Variants in BAG4 observed in about 807,000 individuals in gnomAD.
BAG4 encodes BAG family molecular chaperone regulator 4.
Under a neutral mutation model 52.1 loss-of-function variants are expected in BAG4, and 28 were observed. The ratio of observed to expected loss-of-function variants is 0.54; its 90% CI spans 0.40 to 0.74. The LOEUF (loss-of-function observed/expected upper bound fraction) is 0.74. Ranked by LOEUF, BAG4 falls within the 30% of genes least tolerant of loss-of-function variation. BAG4 has a pLI of 0.00. For synonymous variants in BAG4, 208 were observed against 217.0 expected, an observed-to-expected ratio of 0.96 and a Z score of 0.37; for missense variants, 525 against 572.0, an observed-to-expected ratio of 0.92 and a Z score of 0.84.
intron 2 of BAG4, among the ~76,000 whole-genome samples, chr8:38,199,807 G>A (rs1339763914): frequency 7.9e-5 from 12 of 152,072 alleles, no homozygotes; most frequent in Non-Finnish European, 1.8e-4. Context: ...ACAGACGTGA[G>A]CCACTGCGCC....
chr8:38,185,344 T>A (rs1803347278), intron 1 of BAG4, among the ~76,000 whole-genome samples: 1 of 152,146 alleles, frequency 6.6e-6, no homozygotes, highest in African/African-American at 2.4e-5. Flanking sequence ...ATATTTTATA[T>A]GAAAAAAATC....
intron 1 of BAG4, among the ~76,000 whole-genome samples, chr8:38,187,890 A>T (rs1394900482): frequency 6.9e-6 from 1 of 145,968 alleles, no homozygotes; most frequent in Non-Finnish European, 1.5e-5. Flanking sequence ...AAAAAAAATT[A>T]GCCGGGCGTG....
intron 1 of BAG4, among the ~76,000 whole-genome samples, chr8:38,182,415 A>C (rs980005106): frequency 3.3e-5 from 5 of 152,196 alleles, no homozygotes; most frequent in Admixed American, 3.3e-4. Context: ...ATTTTGGAAA[A>C]TGTAATCACA....
intron 2 of BAG4, among the ~76,000 whole-genome samples, chr8:38,205,608 C>T (rs990946382): frequency 4.6e-5 from 7 of 151,972 alleles, no homozygotes; most frequent in East Asian, 1.9e-4. Flanking sequence ...TGATGTATTA[C>T]GGAGTTCTTT....
chr8:38,210,199 T>A lies in BAG4; in HGVS notation c.1080T>A (p.Asp360Glu), dbSNP rs780173164. Residue 360 changes from aspartate to glutamate, a missense_variant, in exon 5 of 5, where the codon GAT becomes GAA. Coordinates refer to ENST00000287322, the MANE Select transcript of BAG4 (RefSeq NM_004874.4). ...NATSDHPNNQ[D>E]QSSSLPEECV... ...CCAGTGACCATCCCAACAATCAAGA[T>A]CAAAGTAGCAGTCTTCCTGAAGAAT... The A allele has an allele frequency of 6.2e-7, 1 of 1,614,062 alleles. No individual in the cohort carries two copies. The highest frequency in any genetic ancestry group is 1.1e-5 in the South Asian group (1 of 91,080).
intron 1 of BAG4, among the ~76,000 whole-genome samples, chr8:38,179,421 T>C: frequency 6.6e-6 from 1 of 151,716 alleles, no homozygotes; most frequent in East Asian, 2.0e-4. Flanking sequence ...CCTCCAAAAG[T>C]GCTGGGATTA....
At chr8:38,183,419 G>T (rs1357100811) in intron 1 of BAG4, among the ~76,000 whole-genome samples, 3 of 151,954 alleles carry the variant, frequency 2.0e-5, no homozygotes, top group African/African-American at 7.3e-5. Flanking sequence ...TTCTCCTGCC[G>T]ACTCAAAAGT....
chr8:38,208,226 C>T (rs1284540660), intron 3 of BAG4, among the ~76,000 whole-genome samples: 5 of 150,676 alleles, frequency 3.3e-5, no homozygotes, highest in African/African-American at 4.9e-5. Context: ...CTGCCCCCCT[C>T]GGCCTCCCAA....
intron 2 of BAG4, among the ~76,000 whole-genome samples, chr8:38,199,803 G>A (rs773962689): frequency 5.9e-5 from 9 of 152,042 alleles, no homozygotes; most frequent in Non-Finnish European, 8.8e-5. Context: ...GATTACAGAC[G>A]TGAGCCACTG....
chr8:38,192,870 T>G (rs1387884116), intron 2 of BAG4, 75 bp downstream of exon 2: 6 of 1,156,512 alleles, frequency 5.2e-6, no homozygotes, highest in Non-Finnish European at 7.4e-6. Context: ...GTGCAGATTT[T>G]AGAGCAGTGA....
At chr8:38,195,520 G>C (rs1585659439) in intron 2 of BAG4, among the ~76,000 whole-genome samples, 1 of 152,090 alleles carries the variant, frequency 6.6e-6, no homozygotes, top group Non-Finnish European at 1.5e-5. Flanking sequence ...CAAACCCCTA[G>C]CCTCAAGCTA....
At chr8:38,200,477 T>G (rs1803642570) in intron 2 of BAG4, among the ~76,000 whole-genome samples, 1 of 152,224 alleles carries the variant, frequency 6.6e-6, no homozygotes. Context: ...AGATGGACTC[T>G]CTCTCTCTTT....
chr8:38,180,522 C>CA (rs1161178024), intron 1 of BAG4, among the ~76,000 whole-genome samples: 1,132 of 26,280 alleles, frequency 0.043, 167 homozygotes, highest in East Asian at 0.21. Flanking sequence ...GACTCCGTCT[C>CA]AAAAAAAAAA....
chr8:38,183,972 C>T (rs926780318), intron 1 of BAG4, among the ~76,000 whole-genome samples: 18 of 152,092 alleles, frequency 1.2e-4, no homozygotes, highest in African/African-American at 2.9e-4. Flanking sequence ...ATTTAGAAAC[C>T]GTTAAGTCAG....
intron 1 of BAG4, among the ~76,000 whole-genome samples, chr8:38,183,063 T>TA (rs1554506320): frequency 1.1e-3 from 166 of 147,224 alleles, no homozygotes; most frequent in African/African-American, 3.6e-3. Flanking sequence ...TTTTTTTTTT[T>TA]AGACAGAGTC....
chr8:38,183,008 CA>C (rs1374367450), intron 1 of BAG4, among the ~76,000 whole-genome samples: 1 of 145,968 alleles, frequency 6.9e-6, no homozygotes, highest in Non-Finnish European at 1.5e-5. Flanking sequence ...CCACCACCAC[CA>C]CAACTGAGCT....
At chr8:38,178,699 G>A (rs1172030444) in intron 1 of BAG4, among the ~76,000 whole-genome samples, 27 of 152,240 alleles carry the variant, frequency 1.8e-4, no homozygotes, top group Admixed American at 1.8e-3. Flanking sequence ...AGCTAAGTCA[G>A]TCAGAAAGAC....
At chr8:38,187,613 G>A (rs1173924460) in intron 1 of BAG4, among the ~76,000 whole-genome samples, 1 of 152,000 alleles carries the variant, frequency 6.6e-6, no homozygotes, top group Non-Finnish European at 1.5e-5. Context: ...ACATAATGTG[G>A]ATTACAATAA....
intron 1 of BAG4, among the ~76,000 whole-genome samples, chr8:38,189,028 A>G (rs1247501688): frequency 6.7e-6 from 1 of 148,894 alleles, no homozygotes; most frequent in Admixed American, 6.8e-5. Flanking sequence ...GTGCAATCTC[A>G]GTTCACTACA....
Sources: allele counts gnomAD v4.1 joint callset (sites outside exome capture counted in the v4.1 genomes callset), GRCh38; gene constraint gnomAD v4.1.1; transcripts MANE v1.5; gene names NCBI Gene and HGNC (gene_info 2026-07-23, HGNC 2026-07-21).